Variants in TCF12 observed in about 807,000 individuals in gnomAD.
TCF12 encodes DNA-binding protein HTF4.
TCF12 carries 45 observed loss-of-function variants against 86.0 expected under a neutral mutation model. The observed-to-expected ratio is 0.52, with a 90% CI of 0.41 to 0.67. TCF12 has a LOEUF of 0.67. Ranked by LOEUF, TCF12 falls within the 30% of genes least tolerant of loss-of-function variation. TCF12 has a pLI of 0.00. For missense variants in TCF12, 881 were observed against 859.9 expected (o/e 1.02, Z -0.31); for synonymous variants, 330 against 299.6 (o/e 1.10, Z -1.05).
At chr15:57,205,267 C>T (rs2057755687) in intron 8 of TCF12, among the ~76,000 whole-genome samples, 1 of 152,164 alleles carries the variant, frequency 6.6e-6, no homozygotes, top group Non-Finnish European at 1.5e-5. Context: ...CACGCCACTG[C>T]ACTCCAGCCT....
chr15:56,935,464 CTCTT>C (rs1487933783), intron 3 of TCF12, among the ~76,000 whole-genome samples: 1 of 151,872 alleles, frequency 6.6e-6, no homozygotes, highest in Non-Finnish European at 1.5e-5. Context: ...TTTGGTGTCT[CTCTT>C]TTTTTAAAAA....
intron 8 of TCF12, among the ~76,000 whole-genome samples, chr15:57,198,244 G>A (rs998207300): frequency 2.6e-5 from 4 of 152,088 alleles, no homozygotes; most frequent in Admixed American, 6.5e-5. Flanking sequence ...ATTAAGATTC[G>A]GAGTACATGT....
At chr15:57,002,602 A>G (rs148928980) in intron 3 of TCF12, among the ~76,000 whole-genome samples, 3 of 152,218 alleles carry the variant, frequency 2.0e-5, no homozygotes, top group South Asian at 2.1e-4. Context: ...TCGGTCAAGC[A>G]TGTCATTTCT....
intron 13 of TCF12, among the ~76,000 whole-genome samples, chr15:57,246,567 G>A (rs898901): frequency 0.39 from 58,276 of 151,148 alleles, 13,959 homozygotes; most frequent in Non-Finnish European, 0.53. Flanking sequence ...AAAAAAGACC[G>A]TCTCTCTTTT....
intron 16 of TCF12, among the ~76,000 whole-genome samples, chr15:57,253,997 TAAAA>T (rs377707109): frequency 0.04 from 6,078 of 152,256 alleles, 361 homozygotes; most frequent in Admixed American, 0.17. Flanking sequence ...GTCCATCTTT[TAAAA>T]AAGTATGATA....
At chr15:57,111,563 ATAGGTAGGTTTGGTTTGTT>A (rs2050491372) in intron 5 of TCF12, among the ~76,000 whole-genome samples, 1 of 150,810 alleles carries the variant, frequency 6.6e-6, no homozygotes, top group Admixed American at 6.6e-5. Context: ...GTGCAGAGGA[ATAGGTAGGTTTGGTTTGTT>A]TATCTTTTTT....
intron 3 of TCF12, among the ~76,000 whole-genome samples, chr15:56,980,601 A>T (rs1166354990): frequency 1.3e-5 from 2 of 152,220 alleles, no homozygotes; most frequent in Non-Finnish European, 2.9e-5. Flanking sequence ...CACTTTGCTC[A>T]TGCTGCGCCT....
intron 5 of TCF12, among the ~76,000 whole-genome samples, chr15:57,122,950 A>G (rs1052510951): frequency 6.6e-6 from 1 of 152,238 alleles, no homozygotes; most frequent in African/African-American, 2.4e-5. Context: ...CAGCTTTTTA[A>G]AATAATTTAA....
intron 3 of TCF12, among the ~76,000 whole-genome samples, chr15:57,005,160 T>C (rs1255420861): frequency 6.6e-6 from 1 of 152,230 alleles, no homozygotes; most frequent in Non-Finnish European, 1.5e-5. Flanking sequence ...TTTCTGGGTG[T>C]TCTTAGGTAT....
At chr15:57,240,727 C>T (rs984239143) in intron 12 of TCF12, among the ~76,000 whole-genome samples, 1 of 151,532 alleles carries the variant, frequency 6.6e-6, no homozygotes, top group Non-Finnish European at 1.5e-5. Flanking sequence ...ACAAAAAATA[C>T]AAAAATGTTG....
At chr15:56,976,021 G>A (rs1429767630) in intron 3 of TCF12, among the ~76,000 whole-genome samples, 2 of 151,828 alleles carry the variant, frequency 1.3e-5, no homozygotes, top group African/African-American at 4.8e-5. Flanking sequence ...TATTTGCAAT[G>A]GATTGAGCCA....
intron 12 of TCF12, among the ~76,000 whole-genome samples, chr15:57,238,010 AT>A (rs2059450459): frequency 6.6e-6 from 1 of 152,186 alleles, no homozygotes. Flanking sequence ...CTATCTGTAA[AT>A]TTAGGAAAAG....
chr15:57,122,530 A>G (rs190413328), intron 5 of TCF12, among the ~76,000 whole-genome samples: 9 of 152,308 alleles, frequency 5.9e-5, no homozygotes, highest in African/African-American at 1.4e-4. Context: ...TCAACTAACA[A>G]ACTTGCTGCA....
chr15:57,038,402 T>G (rs1354263155), intron 3 of TCF12, among the ~76,000 whole-genome samples: 2 of 118,856 alleles, frequency 1.7e-5, no homozygotes, highest in East Asian at 5.7e-4. Flanking sequence ...GCACTCCAGC[T>G]GGGTGACAGA....
intron 4 of TCF12, among the ~76,000 whole-genome samples, chr15:57,086,782 T>A (rs1250978757): frequency 6.6e-6 from 1 of 151,858 alleles, no homozygotes; most frequent in African/African-American, 2.4e-5. Context: ...AGTGGTTTCT[T>A]TTTTTTAAAC....
chr15:57,246,779 A>G (rs1171241976), intron 13 of TCF12, among the ~76,000 whole-genome samples: 3 of 152,210 alleles, frequency 2.0e-5, no homozygotes, highest in Non-Finnish European at 4.4e-5. Flanking sequence ...GTCCTGAACA[A>G]GAATGGTTTC....
At chr15:57,233,458 A>G (rs1450356015) in intron 11 of TCF12, among the ~76,000 whole-genome samples, 2 of 152,044 alleles carry the variant, frequency 1.3e-5, no homozygotes, top group African/African-American at 4.8e-5. Context: ...CATTATAGAC[A>G]TGACCCAGCA....
chr15:57,172,757 A>G (rs1213911093), intron 6 of TCF12, among the ~76,000 whole-genome samples: 1 of 152,134 alleles, frequency 6.6e-6, no homozygotes, highest in East Asian at 1.9e-4. Context: ...AAAGCTGAAC[A>G]TGTGCCTCTG....
intron 19 of TCF12, among the ~76,000 whole-genome samples, chr15:57,278,191 C>A (rs2061493409): frequency 6.6e-6 from 1 of 151,900 alleles, no homozygotes; most frequent in African/African-American, 2.4e-5. Flanking sequence ...AGTGCATAAT[C>A]AACAAAGACA....
Sources: gnomAD v4.1 joint callset for allele counts (sites outside exome capture counted in the v4.1 genomes callset) on GRCh38, gnomAD v4.1.1 for gene constraint, MANE v1.5 for transcripts, NCBI Gene and HGNC (gene_info 2026-07-23, HGNC 2026-07-21) for gene names.